The following ERC2 variants were observed in gnomAD, a reference collection of about 807,000 sequenced individuals.
The protein encoded by ERC2 is ERC protein 2.
In ERC2, 42 loss-of-function variants were observed where a neutral mutation model predicts 114.8. The observed-to-expected ratio is 0.37, with a 90% CI of 0.29 to 0.47. ERC2 has a LOEUF of 0.47. ERC2 is among the 20% of genes least tolerant of loss of function. The pLI is 0.99. For synonymous variants in ERC2, 454 were observed against 425.5 expected (o/e 1.07, Z -0.82); for missense variants, 939 against 1,150.7 (o/e 0.82, Z 2.66).
At chr3:56,208,879 C>T (rs116489871) in intron 3 of ERC2, among the ~76,000 whole-genome samples, 2,180 of 152,236 alleles carry the variant, frequency 0.014, 58 homozygotes, top group African/African-American at 0.05. Context: ...GGCTGAGAAA[C>T]TGCAGAATGG....
chr3:56,170,035 C>A (rs929141637), intron 4 of ERC2, among the ~76,000 whole-genome samples: 1 of 152,154 alleles, frequency 6.6e-6, no homozygotes, highest in African/African-American at 2.4e-5. Flanking sequence ...TCTTTAGACA[C>A]AAAAGCAAGA....
chr3:55,846,488 T>C (rs2061366991), intron 14 of ERC2, among the ~76,000 whole-genome samples: 1 of 152,182 alleles, frequency 6.6e-6, no homozygotes, highest in Admixed American at 6.5e-5. Flanking sequence ...GGTAGAAAGA[T>C]TCATATTCTT....
At chr3:56,073,965 C>T (rs1172992948) in intron 7 of ERC2, among the ~76,000 whole-genome samples, 2 of 152,062 alleles carry the variant, frequency 1.3e-5, no homozygotes, top group Non-Finnish European at 2.9e-5. Flanking sequence ...TTTTTAAATA[C>T]AGACCTGGTG....
chr3:56,421,835 A>G (rs554958315), intron 2 of ERC2, among the ~76,000 whole-genome samples: 1 of 150,910 alleles, frequency 6.6e-6, no homozygotes, highest in African/African-American at 2.4e-5. Flanking sequence ...CCTCCTCCCC[A>G]CTTTTTTTTT....
intron 2 of ERC2, among the ~76,000 whole-genome samples, chr3:56,408,604 T>C (rs1056813501): frequency 6.6e-5 from 10 of 152,192 alleles, no homozygotes; most frequent in Non-Finnish European, 2.9e-5. Flanking sequence ...CAGTCCCTGG[T>C]ATAAGAGGGA....
At chr3:56,125,902 A>G (rs1323088971) in intron 6 of ERC2, among the ~76,000 whole-genome samples, 1 of 152,218 alleles carries the variant, frequency 6.6e-6, no homozygotes, top group Non-Finnish European at 1.5e-5. Flanking sequence ...AAATTCAAAG[A>G]GCCCATGCAG....
chr3:55,540,654 C>G (rs1393489548), intron 17 of ERC2, among the ~76,000 whole-genome samples: 3 of 152,182 alleles, frequency 2.0e-5, no homozygotes, highest in African/African-American at 4.8e-5. Context: ...CCCCTCCCAG[C>G]TTTAACGTTC....
intron 17 of ERC2, among the ~76,000 whole-genome samples, chr3:55,668,692 G>A (rs1319073666): frequency 6.6e-6 from 1 of 152,194 alleles, no homozygotes; most frequent in Non-Finnish European, 1.5e-5. Flanking sequence ...CCAGCCTGTT[G>A]AATCGCCCAT....
In ERC2 at chr3:56,148,381, G is replaced by A. The variant is rs143415191; in HGVS notation, c.1305+596C>T. Among the ~76,000 whole-genome samples, 181 of 152,232 alleles carry A rather than the reference G, an allele frequency of 1.2e-3. No individual in the cohort carries two copies. The East Asian group carries it at 0.015, about 13-fold the overall frequency. On this transcript the variant is annotated intron_variant, in intron 5 of 17. Coordinates refer to ENST00000288221, the MANE Select transcript of ERC2 (RefSeq NM_015576.3). ...GCTCACTGCAACCTCTACCTCCCAG[G>A]TTCAAGTGATTCTCCTGCCTCAGCC...
chr3:55,721,742 C>T (rs2064566723), intron 15 of ERC2, among the ~76,000 whole-genome samples: 2 of 152,206 alleles, frequency 1.3e-5, no homozygotes, highest in African/African-American at 4.8e-5. Flanking sequence ...TTAAGGTGGC[C>T]TTTGCATCAG....
intron 17 of ERC2, among the ~76,000 whole-genome samples, chr3:55,656,010 G>A (rs1056551793): frequency 1.3e-5 from 2 of 152,196 alleles, no homozygotes; most frequent in Non-Finnish European, 2.9e-5. Flanking sequence ...ATGAAGCTGG[G>A]ACTCCAGTTT....
intron 12 of ERC2, among the ~76,000 whole-genome samples, chr3:55,954,476 C>T (rs1211115446): frequency 2.6e-5 from 4 of 152,166 alleles, no homozygotes; most frequent in African/African-American, 4.8e-5. Context: ...CTGGTGAGAA[C>T]GTGTCAGACT....
At chr3:55,965,019 T>A (rs568461607) in intron 12 of ERC2, among the ~76,000 whole-genome samples, 1 of 152,232 alleles carries the variant, frequency 6.6e-6, no homozygotes, top group East Asian at 1.9e-4. Flanking sequence ...TTTCATATAA[T>A]ATAACATAAT....
intron 14 of ERC2, among the ~76,000 whole-genome samples, chr3:55,801,464 AAGAG>A (rs1368878656): frequency 3.3e-5 from 5 of 152,218 alleles, no homozygotes; most frequent in African/African-American, 9.6e-5. Context: ...ATGGAAAACC[AAGAG>A]AGAGCCAAAG....
Position 56,296,057 on chromosome 3 carries a change from A to C in ERC2, c.1036T>G (p.Leu346Val). The C allele has an allele frequency of 2.5e-6, 4 of 1,605,710 alleles. No homozygotes were observed. Among genetic ancestry groups the C allele is most frequent in the Non-Finnish European group, 3.4e-6 (4 of 1,174,826 alleles). The part of the protein sequence containing the change: ...ESQVSHLEVI[L>V]DQKEKENIHL... ...ATGTTTTCCTTCTCTTTCTGATCTA[A>C]AATCACTTCCAAGTGGCTGACCTGA... The change falls in exon 3 of 18, where the codon TTA (leucine) becomes GTA (valine). Residue 346 changes from leucine to valine, a missense_variant. Physicochemically the swap from Leu to Val is conservative, Grantham distance 32 (BLOSUM62 1). Transcript: ENST00000288221.
chr3:55,624,197 A>G (rs1482839909), intron 17 of ERC2, among the ~76,000 whole-genome samples: 1 of 152,230 alleles, frequency 6.6e-6, no homozygotes, highest in Non-Finnish European at 1.5e-5. Flanking sequence ...ATAAGCACAG[A>G]GATGTGAAAA....
chr3:56,081,043 CA>C (rs2077204652), intron 6 of ERC2, 59 bp from the exon 7 acceptor site: 1 of 1,570,658 alleles, frequency 6.4e-7, no homozygotes, highest in Non-Finnish European at 8.7e-7. Flanking sequence ...CAATAACCAT[CA>C]ATTGTGCCCT....
chr3:55,590,140 A>G (rs1294924560), intron 17 of ERC2, among the ~76,000 whole-genome samples: 1 of 152,192 alleles, frequency 6.6e-6, no homozygotes, highest in Non-Finnish European at 1.5e-5. Flanking sequence ...TAGGATAACG[A>G]TGGCCAATGA....
chr3:56,149,229 G>A (rs921574176), intron 4 of ERC2, 97 bp from the exon 5 acceptor site: 2 of 1,181,174 alleles, frequency 1.7e-6, no homozygotes, highest in African/African-American at 1.5e-5. Flanking sequence ...TGGTAGTGCT[G>A]TCACATATTA....
Sources: gnomAD v4.1 joint callset for allele counts (sites outside exome capture counted in the v4.1 genomes callset) on GRCh38, gnomAD v4.1.1 for gene constraint, MANE v1.5 for transcripts, NCBI Gene and HGNC (gene_info 2026-07-23, HGNC 2026-07-21) for gene names.